Variants in GUCA1C observed in about 807,000 individuals in gnomAD.
GUCA1C encodes guanylate cyclase activator 1C.
GUCA1C carries 15 observed loss-of-function variants against 16.2 expected under a neutral mutation model. The observed-to-expected ratio is 0.93, with a 90% CI of 0.62 to 1.43. GUCA1C has a LOEUF of 1.43. Among genes scored for constraint, GUCA1C ranks in the 40% most tolerant of loss-of-function variants. GUCA1C has a pLI of 0.00. For missense variants in GUCA1C, 275 were observed against 244.8 expected, an observed-to-expected ratio of 1.12 and a Z score of -0.82; for synonymous variants, 78 against 85.4, an observed-to-expected ratio of 0.91 and a Z score of 0.48.
At chr3:108,920,836 T>C (rs1200271969) in intron 1 of GUCA1C, among the ~76,000 whole-genome samples, 1 of 152,154 alleles carries the variant, frequency 6.6e-6, no homozygotes, top group East Asian at 1.9e-4. Flanking sequence ...ACAGCAAAAT[T>C]GAATGGAAGC....
intron 2 of GUCA1C, among the ~76,000 whole-genome samples, chr3:108,916,655 C>T (rs1212196738): frequency 6.6e-6 from 1 of 152,184 alleles, no homozygotes; most frequent in Admixed American, 6.5e-5. Flanking sequence ...CCACCGCTGG[C>T]ACCCCTGGTT....
intron 1 of GUCA1C, among the ~76,000 whole-genome samples, chr3:108,920,842 G>T (rs1259818882): frequency 6.6e-6 from 1 of 152,052 alleles, no homozygotes; most frequent in Admixed American, 6.6e-5. Context: ...AAATTGAATG[G>T]AAGCTACAGA....
intron 1 of GUCA1C, among the ~76,000 whole-genome samples, chr3:108,939,312 CT>C (rs905336753): frequency 4.3e-5 from 3 of 69,706 alleles, no homozygotes; most frequent in African/African-American, 1.4e-4. Flanking sequence ...TAATATATTA[CT>C]TGCTTCAAGG....
chr3:108,953,738 C>T lies in GUCA1C; in HGVS notation c.25G>A (p.Gly9Ser). 6.2e-7 allele frequency: 1 copy of T among 1,612,940 alleles called. No individual in the cohort carries two copies. The highest frequency in any genetic ancestry group is 8.5e-7 in the Non-Finnish European group (1 of 1,178,982). Residue 9 changes from glycine to serine, a missense_variant, in exon 1 of 4, where the codon GGT (glycine) becomes AGT (serine). Gly to Ser is a moderately conservative substitution (Grantham distance 56). Coordinates refer to ENST00000261047, the MANE Select transcript of GUCA1C (RefSeq NM_005459.4). MGNGKSIA[G>S]DQKAVPTQET... ...TGTGTAGGAACTGCTTTCTGATCAC[C>T]AGCTATAGATTTGCCATTCCCCATC...
intron 1 of GUCA1C, among the ~76,000 whole-genome samples, chr3:108,922,154 TACACAAACACACACAC>T (rs1235017654): frequency 7.9e-4 from 72 of 91,196 alleles, no homozygotes; most frequent in South Asian, 5.6e-3. Flanking sequence ...CACACACACA[TACACAAACACACACAC>T]ACACACACAC....
intron 1 of GUCA1C, among the ~76,000 whole-genome samples, chr3:108,948,256 C>A (rs1946862557): frequency 6.6e-6 from 1 of 152,142 alleles, no homozygotes; most frequent in African/African-American, 2.4e-5. Context: ...TTGCTGTTCT[C>A]ATGATAGTGA....
intron 1 of GUCA1C, among the ~76,000 whole-genome samples, chr3:108,921,786 AT>A (rs1180701925): frequency 6.6e-6 from 1 of 151,572 alleles, no homozygotes; most frequent in African/African-American, 2.4e-5. Context: ...CCTTTTTTCA[AT>A]TTTTTTATTT....
intron 1 of GUCA1C, among the ~76,000 whole-genome samples, chr3:108,924,077 T>C (rs6799399): frequency 0.43 from 65,036 of 151,910 alleles, 14,200 homozygotes; most frequent in African/African-American, 0.45. Context: ...TTTAGGTATA[T>C]GATCACATCA....
intron 2 of GUCA1C, among the ~76,000 whole-genome samples, chr3:108,918,183 C>T (rs1443170508): frequency 1.3e-5 from 2 of 152,214 alleles, no homozygotes; most frequent in Admixed American, 1.3e-4. Flanking sequence ...GGCAACAGCC[C>T]TACGCCCTCT....
chr3:108,916,873 A>G (rs952908293), intron 2 of GUCA1C, among the ~76,000 whole-genome samples: 1 of 152,198 alleles, frequency 6.6e-6, no homozygotes, highest in African/African-American at 2.4e-5. Flanking sequence ...AATAAAATGA[A>G]AGAGGATTAT....
chr3:108,920,523 C>T lies in GUCA1C; in HGVS notation c.267G>A (p.Met89Ile). ...TAAAATACCATTTTAATTTTTGCTC[C>T]ATTTTTTCTTGCATGATTAGATTTA... Reference protein sequence around the residue: ...AAVNLIMQEKMEQKLKWYFKL... With the variant: ...AAVNLIMQEKIEQKLKWYFKL... The change falls in exon 2 of 4, where the codon ATG becomes ATA. Residue 89 changes from methionine to isoleucine, a missense_variant. Physicochemically the swap from Met to Ile is conservative, Grantham distance 10. Transcript: ENST00000261047. 1 of 1,591,560 alleles carries T rather than the reference C, an allele frequency of 6.3e-7. No individual in the cohort carries two copies. The highest frequency in any genetic ancestry group is 8.6e-7 in the Non-Finnish European group (1 of 1,159,904).
intron 1 of GUCA1C, among the ~76,000 whole-genome samples, chr3:108,946,157 G>T (rs900401848): frequency 2.0e-5 from 3 of 152,088 alleles, no homozygotes; most frequent in Admixed American, 1.3e-4. Context: ...TTGAAACAGG[G>T]TCTCTGTCAC....
In GUCA1C at chr3:108,910,901, C is replaced by T. The variant is rs188169061; in HGVS notation, c.443-2692G>A. 1.7e-3 allele frequency among the ~76,000 whole-genome samples: 255 copies of T among 152,208 alleles called. 1 individual carries two copies. The highest frequency in any genetic ancestry group is 2.0e-3 in the Non-Finnish European group (137 of 68,010). The stretch of plus-strand genomic sequence containing the variant: ...TCCTGACCTCGTGATCCACCCACCT[C>T]GGCCCCCCAAAGTGCTGGGATTACA... On this transcript the variant is annotated intron_variant, in intron 3 of 3. Coordinates refer to ENST00000261047, the MANE Select transcript of GUCA1C (RefSeq NM_005459.4).
intron 1 of GUCA1C, among the ~76,000 whole-genome samples, chr3:108,941,069 A>AC (rs1005872870): frequency 1.3e-5 from 2 of 152,088 alleles, no homozygotes; most frequent in Non-Finnish European, 1.5e-5. Context: ...CATTTAAAAA[A>AC]AAAACAAAAC....
chr3:108,925,314 G>A (rs1946613449), intron 1 of GUCA1C, among the ~76,000 whole-genome samples: 1 of 151,990 alleles, frequency 6.6e-6, no homozygotes, highest in Non-Finnish European at 1.5e-5. Context: ...GGTTTTGATA[G>A]CTTGTGTCAC....
chr3:108,913,247 A>ATATG, intron 3 of GUCA1C, among the ~76,000 whole-genome samples: 1 of 151,186 alleles, frequency 6.6e-6, no homozygotes, highest in East Asian at 1.9e-4. Context: ...ATATATATAT[A>ATATG]TGTCAGTGTA....
chr3:108,944,379 G>C (rs1317346412), intron 1 of GUCA1C, among the ~76,000 whole-genome samples: 1 of 152,146 alleles, frequency 6.6e-6, no homozygotes, highest in Non-Finnish European at 1.5e-5. Context: ...TTTGTTTCTT[G>C]TCTATGAGGA....
intron 1 of GUCA1C, among the ~76,000 whole-genome samples, chr3:108,926,086 C>CAAA (rs71106606): frequency 5.7e-5 from 8 of 141,574 alleles, no homozygotes; most frequent in South Asian, 2.2e-4. Context: ...GACTCCATCT[C>CAAA]AAAAAAAAAA....
chr3:108,931,214 G>GTGACTGCATTTTTCAATGT (rs1254566747), intron 1 of GUCA1C, among the ~76,000 whole-genome samples: 3 of 74,850 alleles, frequency 4.0e-5, no homozygotes, highest in Non-Finnish European at 9.2e-5. Context: ...TTCCACTTCA[G>GTGACTGCATTTTTCAATGT]TGACTGCATT....
Sources: gnomAD v4.1 joint callset for allele counts (sites outside exome capture counted in the v4.1 genomes callset) on GRCh38, gnomAD v4.1.1 for gene constraint, MANE v1.5 for transcripts, NCBI Gene and HGNC (gene_info 2026-07-23, HGNC 2026-07-21) for gene names.